The following MGME1 variants were observed in gnomAD, a reference collection of about 807,000 sequenced individuals.
MGME1 encodes the protein mitochondrial genome maintenance exonuclease 1.
A neutral mutation model predicts 33.0 loss-of-function variants in MGME1; 22 were observed. The observed-to-expected ratio is 0.67, with a 90% CI of 0.48 to 0.95. MGME1 has a LOEUF of 0.95. Ranked by LOEUF, MGME1 falls within the 40% of genes least tolerant of loss-of-function variation. MGME1 has a pLI of 0.00. For missense variants in MGME1, 383 were observed against 397.8 expected (o/e 0.96, Z 0.32); for synonymous variants, 133 against 144.0 (o/e 0.92, Z 0.55).
At position 17,970,064 on chromosome 20, in the gene MGME1, C is replaced by A. The variant is rs2035679610; in HGVS notation, c.205C>A (p.Pro69Thr). The change falls in exon 2 of 5, where the codon CCG (proline) becomes ACG (threonine). Residue 69 changes from proline (P) to threonine (T), a missense_variant. Pro to Thr is a conservative substitution (Grantham distance 38). Coordinates refer to ENST00000377710, the MANE Select transcript of MGME1 (RefSeq NM_052865.4). ...VLSSRGVAQTPGSVEEDALLC... is the reference protein window; with the variant it reads ...VLSSRGVAQTTGSVEEDALLC... ...GTCATCCAGAGGCGTCGCCCAGACC[C>A]CGGGATCGGTGGAGGAAGATGCTTT... 2 of 1,614,212 alleles carry A rather than the reference C, an allele frequency of 1.2e-6. No individual in the cohort carries two copies. The highest frequency in any genetic ancestry group is 2.2e-5 in the South Asian group (2 of 91,090).
At chr20:17,975,629 AGTGTTAGCTTTGTTT>A in intron 2 of MGME1, 40 bp from the exon 3 acceptor site, 1 of 1,256,840 alleles carries the variant, frequency 8.0e-7, no homozygotes, top group South Asian at 1.3e-5. Context: ...TTTGTTTTTC[AGTGTTAGCTTTGTTT>A]GTGTTTCCCC....
At chr20:17,985,116 T>C (rs1196912563) in intron 3 of MGME1, among the ~76,000 whole-genome samples, 1 of 151,778 alleles carries the variant, frequency 6.6e-6, no homozygotes, top group African/African-American at 2.4e-5. Context: ...TAAGTATTAT[T>C]ACAAGAGTCA....
chr20:17,976,732 G>C (rs2035879299), intron 3 of MGME1, among the ~76,000 whole-genome samples: 1 of 152,070 alleles, frequency 6.6e-6, no homozygotes, highest in Non-Finnish European at 1.5e-5. Flanking sequence ...TGCGATTTCA[G>C]CTCACTGCAA....
intron 2 of MGME1, among the ~76,000 whole-genome samples, chr20:17,974,712 A>G (rs2035816276): frequency 6.6e-6 from 1 of 152,200 alleles, no homozygotes; most frequent in Non-Finnish European, 1.5e-5. Context: ...ATTACATGTT[A>G]AATATTAAAT....
At chr20:17,970,466 CT>C in intron 2 of MGME1, 96 bp downstream of exon 2, 1 of 1,309,078 alleles carries the variant, frequency 7.6e-7, no homozygotes, top group Non-Finnish European at 1.0e-6. Context: ...GTTTTTTTAA[CT>C]TACTAGCAAG....
In MGME1 at chr20:17,975,915, A is replaced by G. The variant is rs2035855140; in HGVS notation, c.731+12A>G. ...GTGGCTGAGTATCAGTAAGTATGAG[A>G]TTGGAGGTGAATTAATACAGCGTAG... On this transcript the variant is annotated intron_variant, in intron 3 of 4. Coordinates refer to ENST00000377710, the MANE Select transcript of MGME1 (RefSeq NM_052865.4). 2 of 1,595,338 alleles carry G rather than the reference A, an allele frequency of 1.3e-6. No individual in the cohort carries two copies. Among genetic ancestry groups the G allele is most frequent in the Non-Finnish European group, 1.7e-6 (2 of 1,163,074 alleles).
At chr20:17,987,338 T>C (rs1433560487) in intron 3 of MGME1, among the ~76,000 whole-genome samples, 1 of 152,184 alleles carries the variant, frequency 6.6e-6, no homozygotes, top group African/African-American at 2.4e-5. Context: ...CTAACCCCTA[T>C]AGCTATTGAG....
intron 3 of MGME1, among the ~76,000 whole-genome samples, chr20:17,983,267 TTGTGTGTG>T (rs1555791107): frequency 4.8e-4 from 69 of 142,688 alleles, no homozygotes; most frequent in African/African-American, 1.7e-3. Flanking sequence ...TAGTGTTCTA[TTGTGTGTG>T]TGTGTGTGTG....
intron 3 of MGME1, among the ~76,000 whole-genome samples, chr20:17,982,407 A>C: frequency 6.6e-6 from 1 of 152,214 alleles, no homozygotes; most frequent in East Asian, 1.9e-4. Flanking sequence ...GACATGAGCC[A>C]CCATGCCTGG....
chr20:17,970,471 T>C (rs1600374927), intron 2 of MGME1, 101 bp downstream of exon 2: 2 of 1,222,302 alleles, frequency 1.6e-6, no homozygotes, highest in East Asian at 4.7e-5. Context: ...TTTAACTTAC[T>C]AGCAAGGAAC....
In MGME1 at chr20:17,969,915, C is replaced by A; in HGVS notation, c.56C>A (p.Ser19Tyr). The A allele has an allele frequency of 6.2e-7, 1 of 1,613,620 alleles. No individual in the cohort carries two copies. The highest frequency in any genetic ancestry group is 1.3e-5 in the African/African-American group (1 of 74,982). ...AGGCAGCTCAGGAGTTCAAAGTTTT[C>A]TGTGGAATCAGCTGCCCTTGTGGCT... is the stretch of plus-strand genomic sequence containing the variant. Reference protein sequence around the residue: ...ICRQLRSSKFSVESAALVAFS... With the variant: ...ICRQLRSSKFYVESAALVAFS... The change falls in exon 2 of 5, where the codon TCT (serine) becomes TAT (tyrosine). Residue 19 changes from serine to tyrosine, a missense_variant. By Grantham distance (144) the Ser-to-Tyr change is moderately radical. Transcript: ENST00000377710.
chr20:17,974,061 GTTTTTTTTTT>G (rs34206000), intron 2 of MGME1, among the ~76,000 whole-genome samples: 2 of 85,474 alleles, frequency 2.3e-5, no homozygotes, highest in Admixed American at 2.9e-4. Context: ...CTCTTTGTGT[GTTTTTTTTTT>G]TTTTTTTTTT....
intron 3 of MGME1, among the ~76,000 whole-genome samples, chr20:17,980,923 CTTTTTTT>C (rs11087237): frequency 6.6e-6 from 1 of 151,440 alleles, no homozygotes. Flanking sequence ...TTGCTTAAAA[CTTTTTTT>C]TTCCTTATCC....
chr20:17,970,299 T>G lies in MGME1; in HGVS notation c.440T>G (p.Phe147Cys). The change falls in exon 2 of 5, where the codon TTC (phenylalanine) becomes TGC (cysteine). Residue 147 changes from phenylalanine (F) to cysteine (C), a missense_variant. Phe to Cys is a radical substitution (Grantham distance 205, BLOSUM62 -2). Coordinates refer to ENST00000377710, the MANE Select transcript of MGME1 (RefSeq NM_052865.4). The part of the protein sequence containing the change: ...LQQTMTKQQV[F>C]LLERWKQRMI... ...CAGACCATGACAAAACAACAGGTTT[T>G]CTTGTTGGAGAGGTGGAAACAGCGG... is the stretch of plus-strand genomic sequence containing the variant. 6.2e-7 allele frequency: 1 copy of G among 1,614,216 alleles called. No individual in the cohort carries two copies. The highest frequency in any genetic ancestry group is 8.5e-7 in the Non-Finnish European group (1 of 1,180,040).
In MGME1 at chr20:17,980,516, A is replaced by T. The variant is rs557102948; in HGVS notation, c.731+4613A>T. Among the ~76,000 whole-genome samples, 200 of 151,540 alleles carry T rather than the reference A, an allele frequency of 1.3e-3. 3 individuals are homozygous for T. Among genetic ancestry groups the T allele is most frequent in the South Asian group, 0.012 (58 of 4,786 alleles). ...TTTTTTCCACTTAAAAAAATTATTT[A>T]AAAAAAAATCAGGCTGGGCGCAGTG... On this transcript the variant is annotated intron_variant, in intron 3 of 4. Coordinates refer to ENST00000377710, the MANE Select transcript of MGME1 (RefSeq NM_052865.4).
intron 3 of MGME1, among the ~76,000 whole-genome samples, chr20:17,981,901 T>C (rs1315188385): frequency 5.7e-5 from 8 of 140,842 alleles, no homozygotes; most frequent in East Asian, 4.4e-4. Context: ...GATCCACCCA[T>C]CTCAGCCTCC....
chr20:17,971,713 A>T (rs1288881854), intron 2 of MGME1, among the ~76,000 whole-genome samples: 1 of 151,696 alleles, frequency 6.6e-6, no homozygotes, highest in African/African-American at 2.4e-5. Flanking sequence ...TTTTTCATAG[A>T]GTCAGCTTTG....
Position 17,970,458 on chromosome 20 carries a change from T to C in MGME1, c.511+88T>C, listed in dbSNP as rs1195551042. 2.9e-6 allele frequency: 4 copies of C among 1,387,044 alleles called. No homozygotes were observed. In the Admixed American group the frequency reaches 6.9e-5, roughly 24 times the overall value. 85.9% of individuals were successfully genotyped at this position (1,387,044 alleles called of 1,614,324 possible). ...TCAAAAGAATGAGGTTTGGTTTTGT[T>C]TTTTTAACTTACTAGCAAGGAACTC... On this transcript the variant is annotated intron_variant, in intron 2 of 4. Coordinates refer to ENST00000377710, the MANE Select transcript of MGME1 (RefSeq NM_052865.4).
Position 17,969,880 on chromosome 20 carries a change from G to A in MGME1, c.21G>A (p.Gln7=). Residue 7 remains glutamine (Q), a synonymous_variant, in exon 2 of 5, where the codon CAG becomes CAA. Transcript: ENST00000377710. The stretch of plus-strand genomic sequence containing the variant: ...TCTGAATGAAGATGAAGTTATTTCA[G>A]ACCATTTGCAGGCAGCTCAGGAGTT... MKMKLF[Q]TICRQLRSSK... 2 of 1,610,154 alleles carry A rather than the reference G, an allele frequency of 1.2e-6. No homozygotes were observed. Among genetic ancestry groups the A allele is most frequent in the Non-Finnish European group, 1.7e-6 (2 of 1,178,922 alleles).
Sources: gnomAD v4.1 joint callset for allele counts (sites outside exome capture counted in the v4.1 genomes callset) on GRCh38, gnomAD v4.1.1 for gene constraint, MANE v1.5 for transcripts, NCBI Gene and HGNC (gene_info 2026-07-23, HGNC 2026-07-21) for gene names.